TRIP12: variants seen among roughly 807,000 people sequenced by gnomAD.
The protein encoded by TRIP12 is thyroid hormone receptor interactor 12.
In TRIP12, 25 loss-of-function variants were observed where a neutral mutation model predicts 244.2. The observed-to-expected ratio is 0.10, with a 90% confidence interval of 0.07 to 0.14. The LOEUF is 0.14. Among genes scored for constraint, TRIP12 ranks in the 10% least tolerant of loss-of-function variants. TRIP12 has a pLI of 1.00. For missense variants in TRIP12, 1,677 were observed against 2,486.4 expected (o/e 0.67, Z 6.92); for synonymous variants, 905 against 873.1 (o/e 1.04, Z -0.64).
At chr2:229,877,310 C>T (rs966601067) in intron 2 of TRIP12, among the ~76,000 whole-genome samples, 2 of 152,002 alleles carry the variant, frequency 1.3e-5, no homozygotes, top group South Asian at 2.1e-4. Context: ...GAGGCCAAGG[C>T]GGTTGGATCA....
intron 1 of TRIP12, among the ~76,000 whole-genome samples, chr2:229,881,301 TAACA>T (rs1156682309): frequency 6.6e-6 from 1 of 152,222 alleles, no homozygotes; most frequent in Non-Finnish European, 1.5e-5. Flanking sequence ...CAAGCCAACA[TAACA>T]ATCATAGAAT....
intron 4 of TRIP12, 49 bp from the exon 5 acceptor site, chr2:229,840,976 C>G (rs1397330857): frequency 1.5e-6 from 2 of 1,329,204 alleles, no homozygotes; most frequent in Non-Finnish European, 2.1e-6. Flanking sequence ...GAAATTATCA[C>G]TAATTAAAAA....
chr2:229,805,248 A>ACAACAACAACAACAACAACAAC (rs11276140), intron 18 of TRIP12, among the ~76,000 whole-genome samples: 1 of 151,974 alleles, frequency 6.6e-6, no homozygotes, highest in African/African-American at 2.4e-5. Context: ...AACAACAACA[A>ACAACAACAACAACAACAACAAC]AAATATTTGC....
At chr2:229,768,833 T>C (rs975952258) in intron 40 of TRIP12, 114 bp from the exon 41 acceptor site, 25 of 963,516 alleles carry the variant, frequency 2.6e-5, no homozygotes, top group Middle Eastern at 2.4e-4. Flanking sequence ...AAATTACACA[T>C]ACATTTTCCA....
chr2:229,880,852 G>T (rs1012446234), intron 1 of TRIP12, among the ~76,000 whole-genome samples: 1 of 152,188 alleles, frequency 6.6e-6, no homozygotes, highest in African/African-American at 2.4e-5. Flanking sequence ...GCTGAGGCAG[G>T]AGAATCGCTC....
intron 3 of TRIP12, 61 bp from the exon 4 acceptor site, chr2:229,859,635 T>A: frequency 6.7e-7 from 1 of 1,503,208 alleles, no homozygotes; most frequent in South Asian, 1.3e-5. Flanking sequence ...CTGTCATATA[T>A]AATGCTTTCA....
rs768153596 is a variant in TRIP12, at chr2:229,815,189, G to A, written c.1641C>T (p.Asn547=). 1.2e-6 allele frequency: 2 copies of A among 1,611,452 alleles called. No individual in the cohort carries two copies. The highest frequency in any genetic ancestry group is 1.7e-6 in the Non-Finnish European group (2 of 1,179,092). ...LQMEHNFDIM[N]HACRALTYMM... ...TGTATGTTAAGGCTCGACAAGCATGGTTCATCTAGAAAAGAAGAGATTTTA... is the reference window on the plus strand; with the variant it reads ...TGTATGTTAAGGCTCGACAAGCATGATTCATCTAGAAAAGAAGAGATTTTA... Residue 547 remains asparagine (N), a synonymous_variant, in exon 11 of 42, where the codon AAC becomes AAT. Coordinates refer to ENST00000675903, the MANE Select transcript of TRIP12 (RefSeq NM_001348323.3).
rs201269010 is a variant in TRIP12 at position 229,797,707 on chromosome 2, C to T, written c.3607G>A (p.Glu1203Lys). 19 of 1,613,442 alleles carry T rather than the reference C, an allele frequency of 1.2e-5. No individual in the cohort carries two copies. In the East Asian group the frequency reaches 3.6e-4, roughly 30 times the overall value. ...CACAGCACCTGGAGGTTGAGTTGTTCGGTTGCAGCACAAAGTCTCTGAAGG... is the reference window on the plus strand; with the variant it reads ...CACAGCACCTGGAGGTTGAGTTGTTTGGTTGCAGCACAAAGTCTCTGAAGG... Reference protein sequence around the residue: ...NVLQRLCAATEQLNLQVDGGA... With the variant: ...NVLQRLCAATKQLNLQVDGGA... The change falls in exon 24 of 42, where the codon GAA (glutamate) becomes AAA (lysine). Residue 1203 changes from glutamate (E) to lysine (K), a missense_variant. By Grantham distance (56) the Glu-to-Lys change is moderately conservative (BLOSUM62 1). This residue lies in a region of TRIP12 where 572 missense variants were observed against 867.8 expected (regional missense o/e 0.66). Coordinates refer to ENST00000675903, the MANE Select transcript of TRIP12 (RefSeq NM_001348323.3).
upstream of TRIP12, chr2:229,922,268 G>C: frequency 1.9e-6 from 1 of 524,290 alleles, no homozygotes; most frequent in Admixed American, 3.3e-5. Flanking sequence ...CCCTCCGCCG[G>C]GGTCACCCCC....
chr2:229,832,335 A>G (rs1330601613), intron 6 of TRIP12, among the ~76,000 whole-genome samples: 1 of 152,238 alleles, frequency 6.6e-6, no homozygotes, highest in African/African-American at 2.4e-5. Flanking sequence ...AGAATTGAGT[A>G]CTTGCAACAG....
chr2:229,842,845 T>G (rs899880749), intron 4 of TRIP12, among the ~76,000 whole-genome samples: 4 of 152,236 alleles, frequency 2.6e-5, no homozygotes, highest in African/African-American at 9.6e-5. Flanking sequence ...TCACTATTCA[T>G]GTCCTAAAAC....
chr2:229,853,705 T>C (rs1197258376), intron 4 of TRIP12, among the ~76,000 whole-genome samples: 1 of 150,996 alleles, frequency 6.6e-6, no homozygotes, highest in African/African-American at 2.4e-5. Context: ...CATACATACA[T>C]GACCATAACT....
At chr2:229,804,882 T>C (rs897724454) in intron 18 of TRIP12, among the ~76,000 whole-genome samples, 14 of 151,772 alleles carry the variant, frequency 9.2e-5, no homozygotes. Context: ...TATTATTTAC[T>C]ATCTGGCCCT....
chr2:229,788,534 C>T (rs1014715224), intron 32 of TRIP12, among the ~76,000 whole-genome samples: 3 of 152,334 alleles, frequency 2.0e-5, no homozygotes, highest in Admixed American at 6.5e-5. Flanking sequence ...AATTCCATGA[C>T]AGCAGATAAT....
intron 1 of TRIP12, among the ~76,000 whole-genome samples, chr2:229,893,914 T>C (rs535905106): frequency 6.6e-6 from 1 of 152,202 alleles, no homozygotes. Context: ...GATGTTGCTA[T>C]GTTACCCGGG....
At chr2:229,889,195 G>A (rs1481978860) in intron 1 of TRIP12, among the ~76,000 whole-genome samples, 3 of 152,216 alleles carry the variant, frequency 2.0e-5, no homozygotes, top group African/African-American at 2.4e-5. Context: ...AAGTAAGGAA[G>A]TACGTGCCTA....
At chr2:229,839,216 T>C (rs1323726006) in intron 5 of TRIP12, among the ~76,000 whole-genome samples, 1 of 152,250 alleles carries the variant, frequency 6.6e-6, no homozygotes, top group Non-Finnish European at 1.5e-5. Flanking sequence ...TACAGTATTC[T>C]GTAAGGTAAC....
At position 229,795,250 on chromosome 2, in the gene TRIP12, G is replaced by A; in HGVS notation, c.3897C>T (p.Asn1299=). ...GAAATTGTTCCATCTGGCTGAGGCAGTTGTTCATCTTGTGAACTAATGCCA... is the reference window on the plus strand; with the variant it reads ...GAAATTGTTCCATCTGGCTGAGGCAATTGTTCATCTTGTGAACTAATGCCA... ...PLLALVHKMN[N]CLSQMEQFPV... is the part of the protein sequence containing the mutation. The change falls in exon 26 of 42, where the codon AAC becomes AAT. Residue 1299 remains asparagine (N), a synonymous_variant. Transcript: ENST00000675903. 1 of 1,614,044 alleles carries A rather than the reference G, an allele frequency of 6.2e-7. No homozygotes were observed. The highest frequency in any genetic ancestry group is 2.2e-5 in the East Asian group (1 of 44,864).
chr2:229,839,371 C>T (rs1268319368), intron 5 of TRIP12, among the ~76,000 whole-genome samples: 1 of 152,122 alleles, frequency 6.6e-6, no homozygotes, highest in East Asian at 1.9e-4. Context: ...CAGAACGTGT[C>T]CTCCTCATTA....
Sources: gnomAD v4.1 joint callset for allele counts (sites outside exome capture counted in the v4.1 genomes callset) on GRCh38, gnomAD v4.1.1 for gene constraint, gnomAD v4.1.1 regional missense constraint, MANE v1.5 for transcripts, NCBI Gene and HGNC (gene_info 2026-07-23, HGNC 2026-07-21) for gene names.